SCAPER: variants seen among roughly 807,000 people sequenced by gnomAD.
SCAPER encodes S-phase cyclin A associated protein in the ER.
Under a neutral mutation model 182.2 loss-of-function variants are expected in SCAPER, and 98 were observed. The ratio of observed to expected loss-of-function variants is 0.54; its 90% CI spans 0.46 to 0.64. The LOEUF (loss-of-function observed/expected upper bound fraction) is 0.64. SCAPER is among the 30% of genes least tolerant of loss of function. The pLI, the probability that SCAPER is intolerant of heterozygous loss-of-function variation, is 0.00. For missense variants in SCAPER, 1,432 were observed against 1,690.0 expected (o/e 0.85, Z 2.68); for synonymous variants, 605 against 564.6 (o/e 1.07, Z -1.01).
At chr15:76,483,287 T>C (rs2051298081) in intron 24 of SCAPER, among the ~76,000 whole-genome samples, 1 of 90,210 alleles carries the variant, frequency 1.1e-5, no homozygotes, top group Admixed American at 1.4e-4. Flanking sequence ...CAACTGGATA[T>C]TCACATGCAA....
intron 20 of SCAPER, among the ~76,000 whole-genome samples, chr15:76,682,403 C>T (rs1182485011): frequency 6.6e-6 from 1 of 152,030 alleles, no homozygotes; most frequent in Non-Finnish European, 1.5e-5. Context: ...AATGTGCACA[C>T]AGACATTGGC....
chr15:76,765,527 A>G, intron 12 of SCAPER, 36 bp downstream of exon 12: 2 of 1,603,020 alleles, frequency 1.2e-6, no homozygotes, highest in Non-Finnish European at 1.7e-6. Flanking sequence ...ACTTTTGAAC[A>G]CTGTACTACA....
At chr15:76,885,901 A>G (rs1254336897) in intron 1 of SCAPER, among the ~76,000 whole-genome samples, 2 of 152,208 alleles carry the variant, frequency 1.3e-5, no homozygotes, top group Non-Finnish European at 2.9e-5. Flanking sequence ...CTAAACATTC[A>G]TCTGTTGATA....
intron 23 of SCAPER, among the ~76,000 whole-genome samples, chr15:76,539,162 T>C (rs2044488014): frequency 6.6e-6 from 1 of 152,122 alleles, no homozygotes; most frequent in African/African-American, 2.4e-5. Context: ...GCAAATTAGC[T>C]GTAGAAAAAA....
chr15:76,616,009 T>C (rs2051449387), intron 22 of SCAPER, among the ~76,000 whole-genome samples: 1 of 152,114 alleles, frequency 6.6e-6, no homozygotes, highest in African/African-American at 2.4e-5. Flanking sequence ...GTTACTCTTG[T>C]GCAGAGCTGG....
At chr15:76,747,973 T>C (rs934493219) in intron 15 of SCAPER, among the ~76,000 whole-genome samples, 15 of 148,352 alleles carry the variant, frequency 1.0e-4, no homozygotes, top group African/African-American at 3.5e-4. Flanking sequence ...CTGGGAAATA[T>C]GGATATTCTT....
At chr15:76,837,236 A>T (rs1339614402) in intron 5 of SCAPER, among the ~76,000 whole-genome samples, 2 of 152,216 alleles carry the variant, frequency 1.3e-5, no homozygotes, top group Non-Finnish European at 2.9e-5. Context: ...AAGGACATGG[A>T]CACTTCTCAA....
intron 1 of SCAPER, among the ~76,000 whole-genome samples, chr15:76,891,286 T>G (rs1049695670): frequency 2.0e-5 from 3 of 152,048 alleles, no homozygotes; most frequent in Non-Finnish European, 2.9e-5. Context: ...CTCTCACCAC[T>G]CCTATTCAAC....
rs1193742439 is a variant in SCAPER, at chr15:76,800,359, G to A, written c.500C>T (p.Thr167Ile). ...LEKTDAQSRP[T>I]SLAWEVKKMS... ...CTTCTTTACTTCCCATGCCAATGAT[G>A]TTGGTCTGCGAATTCAATATATAAA... Residue 167 changes from threonine to isoleucine, a missense_variant, in exon 7 of 32, where the codon ACA becomes ATA. Coordinates refer to ENST00000563290, the MANE Select transcript of SCAPER (RefSeq NM_020843.4). 1 of 1,596,716 alleles carries A rather than the reference G, an allele frequency of 6.3e-7. No homozygotes were observed.
At chr15:76,726,044 A>G (rs1211214895) in intron 17 of SCAPER, among the ~76,000 whole-genome samples, 2 of 148,324 alleles carry the variant, frequency 1.3e-5, no homozygotes, top group African/African-American at 4.9e-5. Flanking sequence ...AATAGACAAT[A>G]TCAACAAAAT....
intron 22 of SCAPER, among the ~76,000 whole-genome samples, chr15:76,621,503 A>G (rs1453536776): frequency 6.6e-6 from 1 of 152,142 alleles, no homozygotes; most frequent in African/African-American, 2.4e-5. Flanking sequence ...TGTCTTATAC[A>G]CTGAATAATA....
intron 8 of SCAPER, among the ~76,000 whole-genome samples, chr15:76,791,741 T>C (rs951031936): frequency 9.2e-5 from 14 of 152,000 alleles, no homozygotes; most frequent in Non-Finnish European, 1.5e-4. Context: ...TAAGCTGATA[T>C]TGTAGCAACT....
At chr15:76,900,796 C>G (rs1336568591) in intron 1 of SCAPER, among the ~76,000 whole-genome samples, 1 of 152,126 alleles carries the variant, frequency 6.6e-6, no homozygotes, top group South Asian at 2.1e-4. Flanking sequence ...TAGCACTACT[C>G]CAAAATATAG....
intron 29 of SCAPER, among the ~76,000 whole-genome samples, chr15:76,362,704 C>T (rs1057149667): frequency 6.6e-6 from 1 of 151,036 alleles, no homozygotes; most frequent in African/African-American, 2.5e-5. Flanking sequence ...AGCCACTGCG[C>T]TCAGCCCTTG....
At chr15:76,868,755 T>C (rs2072485709) in intron 2 of SCAPER, among the ~76,000 whole-genome samples, 1 of 152,026 alleles carries the variant, frequency 6.6e-6, no homozygotes, top group African/African-American at 2.4e-5. Context: ...AAAATACCAA[T>C]GACATTCTTT....
chr15:76,749,170 T>G (rs1363480893), intron 15 of SCAPER, among the ~76,000 whole-genome samples: 1 of 151,840 alleles, frequency 6.6e-6, no homozygotes, highest in Non-Finnish European at 1.5e-5. Flanking sequence ...TATGAATACA[T>G]AAGGTTTATC....
chr15:76,648,198 AAAC>A (rs1891148868), intron 21 of SCAPER, among the ~76,000 whole-genome samples: 1 of 151,998 alleles, frequency 6.6e-6, no homozygotes, highest in African/African-American at 2.4e-5. Flanking sequence ...ATAAAAAAAA[AAAC>A]AAGAAATATC....
At chr15:76,683,743 C>T (rs749112971) in intron 20 of SCAPER, among the ~76,000 whole-genome samples, 18 of 151,870 alleles carry the variant, frequency 1.2e-4, no homozygotes, top group Non-Finnish European at 2.5e-4. Context: ...ACAGAAGACA[C>T]TGTAGGGGGT....
intron 2 of SCAPER, among the ~76,000 whole-genome samples, chr15:76,870,675 T>C (rs1280140525): frequency 6.6e-6 from 1 of 151,734 alleles, no homozygotes; most frequent in Non-Finnish European, 1.5e-5. Flanking sequence ...TAGACTAAAA[T>C]ATCCAGAATG....
Sources: gnomAD v4.1 joint callset for allele counts (sites outside exome capture counted in the v4.1 genomes callset) on GRCh38, gnomAD v4.1.1 for gene constraint, MANE v1.5 for transcripts, NCBI Gene and HGNC (gene_info 2026-07-23, HGNC 2026-07-21) for gene names.